The following DOCK8 variants were observed in gnomAD, a reference collection of about 807,000 sequenced individuals.
DOCK8 encodes dedicator of cytokinesis 8.
DOCK8 carries 141 observed loss-of-function variants against 245.6 expected under a neutral mutation model. The observed-to-expected ratio is 0.57, with a 90% CI of 0.50 to 0.66. DOCK8 has a LOEUF of 0.66. DOCK8 is among the 30% of genes least tolerant of loss of function. The pLI, the probability that DOCK8 is intolerant of heterozygous loss-of-function variation, is 0.00. For missense variants in DOCK8, 2,965 were observed against 2,603.4 expected, an observed-to-expected ratio of 1.14 and a Z score of -3.02; for synonymous variants, 1,168 against 970.2, an observed-to-expected ratio of 1.20 and a Z score of -3.79.
At chr9:308,483 T>C (rs1039279956) in intron 5 of DOCK8, among the ~76,000 whole-genome samples, 9 of 152,230 alleles carry the variant, frequency 5.9e-5, no homozygotes, top group Non-Finnish European at 8.8e-5. Context: ...CACCTTCTTA[T>C]TGAGTAGAAT....
intron 15 of DOCK8, 81 bp from the exon 16 acceptor site, chr9:370,149 A>G (rs1258578563): frequency 8.2e-7 from 1 of 1,225,212 alleles, no homozygotes; most frequent in Non-Finnish European, 1.2e-6. Context: ...TGAGACCAGA[A>G]CATCCTGTTG....
At chr9:418,491 C>G (rs2056132163) in intron 30 of DOCK8, among the ~76,000 whole-genome samples, 1 of 152,142 alleles carries the variant, frequency 6.6e-6, no homozygotes. Flanking sequence ...TGGTCTCAAA[C>G]TCCCAACCTC....
At chr9:414,693 G>A in intron 28 of DOCK8, 89 bp from the exon 29 acceptor site, 2 of 1,521,074 alleles carry the variant, frequency 1.3e-6, no homozygotes, top group East Asian at 2.3e-5. Context: ...TCATTGCTTA[G>A]GAGCGTTTTC....
Position 371,316 on chromosome 9 carries a change from A to G in DOCK8, c.1869-112A>G, listed in dbSNP as rs967661722. On this transcript the variant is annotated intron_variant, in intron 16 of 47. Coordinates refer to ENST00000432829, the MANE Select transcript of DOCK8 (RefSeq NM_203447.4). ...TTCAGAGCAGAGTAATGTAAAATGA[A>G]AAGCAAAACACCAGGCAAATTCTGA... is the stretch of plus-strand genomic sequence containing the variant. 5 of 1,323,852 alleles carry G rather than the reference A, an allele frequency of 3.8e-6. No homozygotes were observed. In the African/African-American group the frequency reaches 7.3e-5, roughly 19 times the overall value. 82.0% of individuals were successfully genotyped at this position (1,323,852 alleles called of 1,614,324 possible).
chr9:409,593 T>C (rs1328655551), intron 28 of DOCK8, among the ~76,000 whole-genome samples: 1 of 152,160 alleles, frequency 6.6e-6, no homozygotes, highest in African/African-American at 2.4e-5. Context: ...TTTTTTATTA[T>C]TATCATACTT....
rs890461770 is a variant in DOCK8, at chr9:373,502, A to C, written c.2109+1216A>C. On this transcript the variant is annotated intron_variant, in intron 18 of 47. Transcript: ENST00000432829. ...GCTTTTTAAAATTGGTATTCAGATA[A>C]GGTCCACACACTGATATTGATTGTT... Among the ~76,000 whole-genome samples, 8 of 152,316 alleles carry C rather than the reference A, an allele frequency of 5.3e-5. No homozygotes were observed. In the East Asian group the frequency reaches 1.5e-3, roughly 29 times the overall value.
intron 28 of DOCK8, among the ~76,000 whole-genome samples, chr9:409,968 C>T (rs989789577): frequency 6.6e-6 from 1 of 151,972 alleles, no homozygotes; most frequent in Non-Finnish European, 1.5e-5. Flanking sequence ...GGGTTGGTTC[C>T]AAGTCTTTGC....
At chr9:240,719 C>T (rs966185034) in intron 1 of DOCK8, among the ~76,000 whole-genome samples, 1 of 152,166 alleles carries the variant, frequency 6.6e-6, no homozygotes, top group South Asian at 2.1e-4. Flanking sequence ...CTTACTTGTG[C>T]CAGGCACTGT....
At chr9:331,600 T>G (rs2051017924) in intron 9 of DOCK8, among the ~76,000 whole-genome samples, 1 of 152,214 alleles carries the variant, frequency 6.6e-6, no homozygotes, top group Non-Finnish European at 1.5e-5. Context: ...CTCTTCAACA[T>G]CTAAGTTAAA....
chr9:302,443 A>G (rs959606590), intron 4 of DOCK8, among the ~76,000 whole-genome samples: 16 of 152,252 alleles, frequency 1.1e-4, no homozygotes, highest in African/African-American at 3.9e-4. Flanking sequence ...GGCCTTGGTA[A>G]AGAATTTATG....
At chr9:413,402 A>T (rs556847029) in intron 28 of DOCK8, among the ~76,000 whole-genome samples, 2 of 150,960 alleles carry the variant, frequency 1.3e-5, no homozygotes, top group South Asian at 4.2e-4. Flanking sequence ...AAAAAAATAG[A>T]TAACTGGACT....
At chr9:343,905 T>C (rs1379197557) in intron 14 of DOCK8, among the ~76,000 whole-genome samples, 2 of 152,252 alleles carry the variant, frequency 1.3e-5, no homozygotes, top group Admixed American at 1.3e-4. Flanking sequence ...GCATTTACAA[T>C]GTTCTCTACT....
At chr9:408,627 C>T (rs925517537) in intron 28 of DOCK8, among the ~76,000 whole-genome samples, 7 of 152,182 alleles carry the variant, frequency 4.6e-5, no homozygotes, top group African/African-American at 1.7e-4. Flanking sequence ...CAAACATGTA[C>T]ATACATTTTC....
intron 3 of DOCK8, among the ~76,000 whole-genome samples, chr9:287,250 G>A (rs1404526363): frequency 6.6e-6 from 1 of 152,122 alleles, no homozygotes; most frequent in Non-Finnish European, 1.5e-5. Flanking sequence ...TAGGGCTTGA[G>A]TTTCTATAGT....
At chr9:352,483 C>T (rs2131026285) in intron 14 of DOCK8, among the ~76,000 whole-genome samples, 1 of 152,228 alleles carries the variant, frequency 6.6e-6, no homozygotes, top group African/African-American at 2.4e-5. Flanking sequence ...GTGGCTCATG[C>T]CTGTAATCCC....
At chr9:370,866 T>C (rs1343218517) in intron 16 of DOCK8, among the ~76,000 whole-genome samples, 2 of 152,244 alleles carry the variant, frequency 1.3e-5, no homozygotes, top group African/African-American at 4.8e-5. Context: ...AATTAAGTCC[T>C]TCATTTAAGC....
At chr9:384,355 G>C (rs2053856605) in intron 22 of DOCK8, among the ~76,000 whole-genome samples, 1 of 152,178 alleles carries the variant, frequency 6.6e-6, no homozygotes, top group Non-Finnish European at 1.5e-5. Flanking sequence ...CGAGCTATTA[G>C]AGTAATATCA....
intron 1 of DOCK8, among the ~76,000 whole-genome samples, chr9:233,400 A>T (rs1332972010): frequency 6.6e-6 from 1 of 152,168 alleles, no homozygotes; most frequent in Non-Finnish European, 1.5e-5. Flanking sequence ...AGTTCTGTAG[A>T]TGTCTGTTAG....
chr9:258,829 C>A (rs1361253439), intron 1 of DOCK8, among the ~76,000 whole-genome samples: 1 of 152,012 alleles, frequency 6.6e-6, no homozygotes, highest in Non-Finnish European at 1.5e-5. Context: ...AACTCCTGAC[C>A]TCAGGTGATC....
Sources: allele counts gnomAD v4.1 joint callset (sites outside exome capture counted in the v4.1 genomes callset), GRCh38; gene constraint gnomAD v4.1.1; transcripts MANE v1.5; gene names NCBI Gene and HGNC (gene_info 2026-07-23, HGNC 2026-07-21).